EFCAB8: variants seen among roughly 807,000 people sequenced by gnomAD.
The protein encoded by EFCAB8 is EF-hand calcium-binding domain-containing protein 8.
A neutral mutation model predicts 116.3 loss-of-function variants in EFCAB8; 100 were observed. The observed-to-expected ratio is 0.86, with a 90% CI of 0.73 to 1.02. The LOEUF (loss-of-function observed/expected upper bound fraction) is 1.02. EFCAB8 is among the 50% of genes least tolerant of loss of function. EFCAB8 has a pLI of 0.00. For synonymous variants in EFCAB8, 558 were observed against 567.9 expected (o/e 0.98, Z 0.25); for missense variants, 1,320 against 1,416.9 (o/e 0.93, Z 1.10).
intron 5 of EFCAB8, 53 bp downstream of exon 5, chr20:32,878,860 G>A: frequency 6.8e-7 from 1 of 1,471,118 alleles, no homozygotes; most frequent in Non-Finnish European, 9.3e-7. Flanking sequence ...ACAAGTGCTG[G>A]TGCCAGCCTG....
At chr20:32,859,106 G>A in intron 1 of EFCAB8, 100 bp downstream of exon 1, 2 of 461,226 alleles carry the variant, frequency 4.3e-6, no homozygotes, top group South Asian at 3.2e-5. Context: ...GCTCTTATCT[G>A]TGTCCTGGCT....
intron 22 of EFCAB8, among the ~76,000 whole-genome samples, chr20:32,935,067 A>T (rs1480782993): frequency 6.6e-6 from 1 of 151,384 alleles, no homozygotes; most frequent in East Asian, 1.9e-4. Context: ...TTTCCTAATG[A>T]TTAGTGGTGC....
intron 19 of EFCAB8, among the ~76,000 whole-genome samples, chr20:32,919,687 C>T (rs138637860): frequency 1.1e-3 from 164 of 152,040 alleles, no homozygotes; most frequent in Non-Finnish European, 2.0e-3. Flanking sequence ...TTATTGGAGA[C>T]GGGGTTTCAC....
At position 32,890,294 on chromosome 20, in the gene EFCAB8, C is replaced by A. The variant is rs1333840560; in HGVS notation, c.673+888C>A. 2.0e-5 allele frequency among the ~76,000 whole-genome samples: 3 copies of A among 152,256 alleles called. No individual in the cohort carries two copies. In the East Asian group the frequency reaches 5.8e-4, roughly 29 times the overall value. ...CCATCCCTCCTGCCCCTCTCTCTGC[C>A]CCAACAGCCTCTGCTTTTCTTTTGG... On this transcript the variant is annotated intron_variant, in intron 7 of 26. Transcript: ENST00000400522.
chr20:32,859,376 C>G (rs987682235), intron 1 of EFCAB8, among the ~76,000 whole-genome samples: 1 of 152,180 alleles, frequency 6.6e-6, no homozygotes, highest in Non-Finnish European at 1.5e-5. Flanking sequence ...CCGAGTTTTA[C>G]ATCTCAGCCT....
rs79004359 is a variant in EFCAB8, at chr20:32,918,445, C to G, written c.2145C>G (p.Thr715=). The G allele has an allele frequency of 8.2e-5, 128 of 1,551,734 alleles. 1 individual carries two copies. The East Asian group carries it at 2.6e-3, about 32-fold the overall frequency. The change falls in exon 19 of 27, where the codon ACC becomes ACG. Residue 715 remains threonine (T), a synonymous_variant. Transcript: ENST00000400522. The part of the protein sequence containing the change: ...YVEREKWTYK[T]SRKLSSLSPE... ...AGCGGGAGAAGTGGACATACAAGAC[C>G]TCCAGGAAGCTCTCCAGTCTCAGCC...
chr20:32,890,423 G>C (rs1451117607), intron 7 of EFCAB8, among the ~76,000 whole-genome samples: 1 of 152,122 alleles, frequency 6.6e-6, no homozygotes, highest in Non-Finnish European at 1.5e-5. Context: ...TCCCTTCAAG[G>C]TCCCCTTTCA....
At chr20:32,958,277 ATGG>A (rs572808794) in intron 23 of EFCAB8, 141 bp from the exon 24 acceptor site, 122 of 390,514 alleles carry the variant, frequency 3.1e-4, no homozygotes, top group Non-Finnish European at 4.7e-4. Flanking sequence ...TGCCTGGTGT[ATGG>A]TGGGCACTCA....
Position 32,959,931 on chromosome 20 carries a change from C to A in EFCAB8, c.3243C>A (p.Pro1081=). ...ALMSPWAGER[P]LEDIEDSWNK... ...TGTCCCCGTGGGCCGGAGAGCGCCCCCTGGAAGACATTGAGGACAGCTGGA... is the reference window on the plus strand; with the variant it reads ...TGTCCCCGTGGGCCGGAGAGCGCCCACTGGAAGACATTGAGGACAGCTGGA... Residue 1081 remains proline (P), a synonymous_variant, in exon 25 of 27, where the codon CCC becomes CCA. Coordinates refer to ENST00000400522, the MANE Select transcript of EFCAB8 (RefSeq NM_001143967.2). 1 of 1,551,654 alleles carries A rather than the reference C, an allele frequency of 6.4e-7. No homozygotes were observed. Among genetic ancestry groups the A allele is most frequent in the Non-Finnish European group, 8.7e-7 (1 of 1,146,986 alleles).
intron 21 of EFCAB8, among the ~76,000 whole-genome samples, 160 bp from the exon 22 acceptor site, chr20:32,931,018 A>G: frequency 6.6e-6 from 1 of 152,158 alleles, no homozygotes; most frequent in African/African-American, 2.4e-5. Context: ...AAGATCCCTA[A>G]GGCCCTTTCT....
intron 22 of EFCAB8, among the ~76,000 whole-genome samples, chr20:32,938,917 TTTTC>T (rs1161853045): frequency 1.3e-5 from 2 of 148,704 alleles, no homozygotes; most frequent in African/African-American, 5.0e-5. Flanking sequence ...TCCCTTTTCT[TTTTC>T]TTTTCTTTTC....
intron 8 of EFCAB8, 127 bp downstream of exon 8, chr20:32,892,424 T>A: frequency 1.3e-6 from 1 of 768,310 alleles, no homozygotes; most frequent in Non-Finnish European, 2.1e-6. Context: ...ATCTCCCCAC[T>A]GGCTCCAAGG....
chr20:32,886,597 G>A (rs1985643613), intron 6 of EFCAB8, among the ~76,000 whole-genome samples: 1 of 152,096 alleles, frequency 6.6e-6, no homozygotes, highest in African/African-American at 2.4e-5. Context: ...GGTGCACCAA[G>A]GGGGAGTCAC....
chr20:32,872,753 C>T (rs1336852459), intron 3 of EFCAB8, among the ~76,000 whole-genome samples: 3 of 151,782 alleles, frequency 2.0e-5, no homozygotes, highest in Non-Finnish European at 4.4e-5. Flanking sequence ...AAGATCATGC[C>T]ACCACACTCC....
intron 22 of EFCAB8, among the ~76,000 whole-genome samples, chr20:32,940,416 A>G (rs1482391841): frequency 2.0e-5 from 3 of 149,686 alleles, no homozygotes; most frequent in African/African-American, 7.4e-5. Context: ...ACCTCATAAC[A>G]CATACAAAAA....
chr20:32,961,652 G>A lies in EFCAB8; in HGVS notation c.*43G>A. ...TCTAGTCCTCCAGCAGGGCAACCAG[G>A]CCCATGGCGGTCCTGCATGTTCTCG... On this transcript the variant is annotated 3_prime_UTR_variant, in exon 27 of 27. Transcript: ENST00000400522. The A allele has an allele frequency of 8.6e-7, 1 of 1,157,008 alleles. No homozygotes were observed. The highest frequency in any genetic ancestry group is 3.8e-5 in the South Asian group (1 of 26,558). The allele number at this position is 1,157,008 out of a possible 1,614,324, so 71.7% of individuals were successfully genotyped here. A position where few individuals can be genotyped will look rare whatever the true frequency, so the allele number is the denominator to read the frequency against.
chr20:32,945,584 T>C (rs1256551978), intron 23 of EFCAB8, among the ~76,000 whole-genome samples: 2 of 152,238 alleles, frequency 1.3e-5, no homozygotes, highest in African/African-American at 4.8e-5. Context: ...ATAATTAATA[T>C]ACCTCAATTT....
chr20:32,927,694 G>A (rs1414011685), intron 20 of EFCAB8, among the ~76,000 whole-genome samples: 1 of 152,168 alleles, frequency 6.6e-6, no homozygotes, highest in Non-Finnish European at 1.5e-5. Flanking sequence ...CTGGGATTTT[G>A]TAGGTGATTT....
intron 22 of EFCAB8, among the ~76,000 whole-genome samples, chr20:32,939,322 G>A (rs1460000990): frequency 1.6e-5 from 2 of 127,898 alleles, no homozygotes; most frequent in South Asian, 2.4e-4. Context: ...TTGCTCTGTC[G>A]CCCAGGCTGG....
Sources: allele counts gnomAD v4.1 joint callset (sites outside exome capture counted in the v4.1 genomes callset), GRCh38; gene constraint gnomAD v4.1.1; transcripts MANE v1.5; gene names NCBI Gene and HGNC (gene_info 2026-07-23, HGNC 2026-07-21).